ADAMTS14: variants seen among roughly 807,000 people sequenced by gnomAD.
ADAMTS14 encodes A disintegrin and metalloproteinase with thrombospondin motifs 14.
In ADAMTS14, 100 loss-of-function variants were observed where a neutral mutation model predicts 128.6. The ratio of observed to expected loss-of-function variants is 0.78; its 90% CI spans 0.66 to 0.92. ADAMTS14 has a LOEUF of 0.92. Among genes scored for constraint, ADAMTS14 ranks in the 40% least tolerant of loss-of-function variants. The probability of loss-of-function intolerance (pLI) is 0.00; values close to 1 mark genes in which losing one functional copy is unlikely to be tolerated. For synonymous variants in ADAMTS14, 665 were observed against 653.8 expected (o/e 1.02, Z -0.26); for missense variants, 1,562 against 1,658.6 (o/e 0.94, Z 1.01).
chr10:70,758,955 C>T (rs1270359572), intron 21 of ADAMTS14, among the ~76,000 whole-genome samples: 1 of 152,126 alleles, frequency 6.6e-6, no homozygotes, highest in African/African-American at 2.4e-5. Flanking sequence ...TCCTTCCTCA[C>T]CCTCCCTAGG....
intron 2 of ADAMTS14, among the ~76,000 whole-genome samples, chr10:70,688,864 AGGGGGAGGGGGAGGGGGAGGGG>A (rs1840086777): frequency 1.1e-4 from 1 of 9,386 alleles, no homozygotes; most frequent in Non-Finnish European, 1.6e-4. Context: ...GGGGAGGGGG[AGGGGGAGGGGGAGGGGGAGGGG>A]GAGGGGGAGG....
At chr10:70,704,129 C>T (rs1331278926) in intron 3 of ADAMTS14, among the ~76,000 whole-genome samples, 3 of 152,162 alleles carry the variant, frequency 2.0e-5, no homozygotes, top group Non-Finnish European at 2.9e-5. Context: ...TGCCTAGCAG[C>T]CGGCTAAAGG....
At chr10:70,710,028 T>C (rs575680785) in intron 4 of ADAMTS14, among the ~76,000 whole-genome samples, 13 of 151,964 alleles carry the variant, frequency 8.6e-5, no homozygotes, top group African/African-American at 3.1e-4. Flanking sequence ...AGACCCAAGG[T>C]AGAAATAGTG....
At chr10:70,736,414 C>T (rs543348320) in intron 9 of ADAMTS14, among the ~76,000 whole-genome samples, 44 of 152,166 alleles carry the variant, frequency 2.9e-4, no homozygotes, top group Middle Eastern at 6.8e-3. Context: ...CTCTGTAAAG[C>T]GGGGGAGGGA....
At position 70,745,252 on chromosome 10, in the gene ADAMTS14, G is replaced by A. The variant is rs1274699559; in HGVS notation, c.2209G>A (p.Ala737Thr). 1.2e-6 allele frequency: 2 copies of A among 1,612,578 alleles called. No individual in the cohort carries two copies. The highest frequency in any genetic ancestry group is 1.7e-6 in the Non-Finnish European group (2 of 1,179,988). Residue 737 changes from alanine to threonine, a missense_variant, in exon 15 of 22, where the codon GCA becomes ACA. Physicochemically the swap from Ala to Thr is moderately conservative, Grantham distance 58. Coordinates refer to ENST00000373207, the MANE Select transcript of ADAMTS14 (RefSeq NM_080722.4). ...AGALKLVQIP[A>T]GARHIQIEAL... ...AGCTCTCAAGCTGGTGCAGATCCCA[G>A]CAGGTGCCAGGCACATCCAGATTGA...
chr10:70,718,828 C>T (rs1564536313), intron 4 of ADAMTS14, among the ~76,000 whole-genome samples: 1 of 151,932 alleles, frequency 6.6e-6, no homozygotes, highest in Admixed American at 6.6e-5. Flanking sequence ...GTGAGTACCA[C>T]CATGCTTGCC....
rs200733222 is a variant in ADAMTS14 at position 70,746,738 on chromosome 10, A to AT, written c.2263+1441dup. ...CTGAGGCAGGAGCGTCTCAAAAAAA[A>AT]TTTTTTTTTCACTGAATTGTACACC... On this transcript the variant is annotated intron_variant, in intron 15 of 21. Transcript: ENST00000373207. Among the ~76,000 whole-genome samples the AT allele has an allele frequency of 2.4e-4, 37 of 151,794 alleles. No homozygotes were observed. The East Asian group carries it at 6.8e-3, about 28-fold the overall frequency.
At chr10:70,688,988 C>T (rs866399977) in intron 2 of ADAMTS14, among the ~76,000 whole-genome samples, 1 of 105,914 alleles carries the variant, frequency 9.4e-6, no homozygotes, top group African/African-American at 2.8e-5. Flanking sequence ...CAAGCCACTC[C>T]CGTCCCCCAG....
Position 70,680,128 on chromosome 10 carries a change from G to A in ADAMTS14, c.522+5133G>A, listed in dbSNP as rs568890757. Among the ~76,000 whole-genome samples, 22 of 152,318 alleles carry A rather than the reference G, an allele frequency of 1.4e-4. No homozygotes were observed. In the East Asian group the frequency reaches 2.5e-3, roughly 17 times the overall value. ...TCAATAAACCTGTTACTGGCTGGGC[G>A]CGGTGGCTCATGCCTGTAATCCCAG... is the stretch of plus-strand genomic sequence containing the variant. On this transcript the variant is annotated intron_variant, in intron 2 of 21. Coordinates refer to ENST00000373207, the MANE Select transcript of ADAMTS14 (RefSeq NM_080722.4).
chr10:70,698,419 G>A (rs1387865644), intron 2 of ADAMTS14, among the ~76,000 whole-genome samples: 4 of 152,186 alleles, frequency 2.6e-5, no homozygotes, highest in Non-Finnish European at 4.4e-5. Flanking sequence ...TCCTGGCCAC[G>A]GCAGAGATTC....
rs187079641 is a variant in ADAMTS14 at position 70,701,075 on chromosome 10, C to T, written c.523-1237C>T. Among the ~76,000 whole-genome samples the T allele has an allele frequency of 7.9e-5, 12 of 152,298 alleles. No individual in the cohort carries two copies. In the East Asian group the frequency reaches 1.3e-3, roughly 17 times the overall value. On this transcript the variant is annotated intron_variant, in intron 2 of 21. Coordinates refer to ENST00000373207, the MANE Select transcript of ADAMTS14 (RefSeq NM_080722.4). ...ACAGAAGGCAACCATCTTGGTTTGG[C>T]TCCAAAATGATGTTTTCTGTTTGAT...
At chr10:70,718,164 G>A (rs1024144636) in intron 4 of ADAMTS14, among the ~76,000 whole-genome samples, 5 of 152,292 alleles carry the variant, frequency 3.3e-5, no homozygotes, top group African/African-American at 1.2e-4. Context: ...CTGACGGAGA[G>A]TGTGGCTTTG....
intron 10 of ADAMTS14, 49 bp from the exon 11 acceptor site, chr10:70,738,793 C>G: frequency 2.5e-6 from 4 of 1,611,682 alleles, no homozygotes; most frequent in Non-Finnish European, 3.4e-6. Flanking sequence ...CCCGGGTGGG[C>G]TCAGCAGCAG....
chr10:70,698,784 T>C (rs1028610199), intron 2 of ADAMTS14, among the ~76,000 whole-genome samples: 1 of 152,162 alleles, frequency 6.6e-6, no homozygotes, highest in African/African-American at 2.4e-5. Flanking sequence ...TTTACTGGGA[T>C]GGGGAAAGAC....
intron 19 of ADAMTS14, among the ~76,000 whole-genome samples, chr10:70,756,276 A>ATT (rs975388231): frequency 4.6e-5 from 7 of 152,196 alleles, no homozygotes; most frequent in Admixed American, 3.9e-4. Flanking sequence ...ACTTTTCTGT[A>ATT]TTTTGAAATA....
chr10:70,686,433 C>A (rs1284873157), intron 2 of ADAMTS14, among the ~76,000 whole-genome samples: 1 of 108,634 alleles, frequency 9.2e-6, no homozygotes, highest in Admixed American at 9.6e-5. Context: ...GACCCTGCGG[C>A]CTTCCGCAGT....
chr10:70,680,093 A>G (rs1289023131), intron 2 of ADAMTS14, among the ~76,000 whole-genome samples: 1 of 152,236 alleles, frequency 6.6e-6, no homozygotes, highest in Non-Finnish European at 1.5e-5. Flanking sequence ...ATTATATGGT[A>G]TGTTATATCT....
chr10:70,729,467 A>T lies in ADAMTS14; in HGVS notation c.954+90A>T, dbSNP rs538099797. The T allele has an allele frequency of 2.5e-5, 27 of 1,086,654 alleles. No individual in the cohort carries two copies. In the East Asian group the frequency reaches 6.0e-4, roughly 24 times the overall value. 67.3% of individuals were successfully genotyped at this position (1,086,654 alleles called of 1,614,324 possible). On this transcript the variant is annotated intron_variant, in intron 5 of 21. Coordinates refer to ENST00000373207, the MANE Select transcript of ADAMTS14 (RefSeq NM_080722.4). ...CAGCAATGGTGTGGGCTGCAGGGGTAAGCATCCAGGAATCTGTTTCCAGAA... is the reference window on the plus strand; with the variant it reads ...CAGCAATGGTGTGGGCTGCAGGGGTTAGCATCCAGGAATCTGTTTCCAGAA...
At chr10:70,737,512 T>C (rs1841864056) in intron 10 of ADAMTS14, among the ~76,000 whole-genome samples, 1 of 151,924 alleles carries the variant, frequency 6.6e-6, no homozygotes, top group Admixed American at 6.6e-5. Context: ...CTAGGAGAGG[T>C]GGTTCCTCAG....
Sources: gnomAD v4.1 joint callset for allele counts (sites outside exome capture counted in the v4.1 genomes callset) on GRCh38, gnomAD v4.1.1 for gene constraint, MANE v1.5 for transcripts, NCBI Gene and HGNC (gene_info 2026-07-23, HGNC 2026-07-21) for gene names.